The following LUZP2 variants were observed in gnomAD, a reference collection of about 807,000 sequenced individuals.
The protein encoded by LUZP2 is leucine zipper protein 2.
Under a neutral mutation model 51.6 loss-of-function variants are expected in LUZP2, and 52 were observed. That is an observed-to-expected ratio of 1.01 (90% CI 0.81 to 1.27). The LOEUF (loss-of-function observed/expected upper bound fraction) is 1.27. LUZP2 is among the 50% of genes most tolerant of loss of function. The probability of loss-of-function intolerance (pLI) is 0.00; values close to 1 mark genes in which losing one functional copy is unlikely to be tolerated. For synonymous variants in LUZP2, 154 were observed against 137.3 expected, an observed-to-expected ratio of 1.12 and a Z score of -0.85; for missense variants, 436 against 395.4, an observed-to-expected ratio of 1.10 and a Z score of -0.87.
At chr11:25,043,363 C>T (rs1858137143) in intron 9 of LUZP2, among the ~76,000 whole-genome samples, 1 of 151,998 alleles carries the variant, frequency 6.6e-6, no homozygotes, top group South Asian at 2.1e-4. Flanking sequence ...CCACACCTCC[C>T]TAGAGTAAGA....
intron 9 of LUZP2, among the ~76,000 whole-genome samples, chr11:25,011,735 A>T (rs1020012497): frequency 2.0e-5 from 3 of 152,076 alleles, no homozygotes; most frequent in Non-Finnish European, 4.4e-5. Context: ...CATATTTATG[A>T]GGCACATGTG....
intron 1 of LUZP2, among the ~76,000 whole-genome samples, chr11:24,580,391 C>T (rs1421653341): frequency 6.6e-6 from 1 of 152,036 alleles, no homozygotes; most frequent in Non-Finnish European, 1.5e-5. Flanking sequence ...TTTTCCTTCT[C>T]TGTTGCTGTC....
chr11:24,509,348 G>T (rs1172268179), intron 1 of LUZP2, among the ~76,000 whole-genome samples: 1 of 151,762 alleles, frequency 6.6e-6, no homozygotes, highest in African/African-American at 2.4e-5. Context: ...AGTCATAACT[G>T]TTCTAGAATT....
chr11:24,890,316 TGACA>T (rs1331249427), intron 5 of LUZP2, among the ~76,000 whole-genome samples: 1 of 151,830 alleles, frequency 6.6e-6, no homozygotes, highest in Non-Finnish European at 1.5e-5. Context: ...CTTAATTACA[TGACA>T]AACAGAAGAA....
At chr11:24,886,121 T>A (rs1852660669) in intron 5 of LUZP2, among the ~76,000 whole-genome samples, 1 of 152,206 alleles carries the variant, frequency 6.6e-6, no homozygotes, top group Non-Finnish European at 1.5e-5. Flanking sequence ...AAAATATGAC[T>A]ATTAAAGTAG....
At chr11:24,533,650 C>T (rs1851082093) in intron 1 of LUZP2, among the ~76,000 whole-genome samples, 2 of 150,964 alleles carry the variant, frequency 1.3e-5, no homozygotes, top group African/African-American at 4.8e-5. Context: ...TTATCTTTTC[C>T]CTCCTTTATT....
At chr11:24,603,784 C>T (rs1299800126) in intron 1 of LUZP2, among the ~76,000 whole-genome samples, 2 of 151,552 alleles carry the variant, frequency 1.3e-5, no homozygotes. Flanking sequence ...ATGTTCTTGT[C>T]CAGCTTACAT....
chr11:25,046,053 A>C (rs967224695), intron 9 of LUZP2, among the ~76,000 whole-genome samples: 8 of 152,166 alleles, frequency 5.3e-5, no homozygotes, highest in Admixed American at 5.2e-4. Context: ...CACACTGCTG[A>C]AATTAACATA....
At chr11:24,502,689 C>G (rs1850034654) in intron 1 of LUZP2, among the ~76,000 whole-genome samples, 1 of 152,010 alleles carries the variant, frequency 6.6e-6, no homozygotes, top group Non-Finnish European at 1.5e-5. Flanking sequence ...CCCAGCCCCT[C>G]CAAAGTGTTT....
chr11:24,826,197 A>ATATATATATG (rs1554916405), intron 5 of LUZP2, among the ~76,000 whole-genome samples: 3 of 138,742 alleles, frequency 2.2e-5, no homozygotes, highest in Admixed American at 2.2e-4. Flanking sequence ...AAAAATATAT[A>ATATATATATG]TATATATATA....
chr11:24,839,467 C>G (rs1039566183), intron 5 of LUZP2, among the ~76,000 whole-genome samples: 1 of 151,716 alleles, frequency 6.6e-6, no homozygotes, highest in Non-Finnish European at 1.5e-5. Flanking sequence ...TAAATATAAT[C>G]AAGTCAATTT....
intron 4 of LUZP2, among the ~76,000 whole-genome samples, chr11:24,739,398 T>C (rs577358459): frequency 5.7e-4 from 86 of 152,098 alleles, no homozygotes; most frequent in African/African-American, 1.6e-3. Context: ...TGTTTTTCGA[T>C]TGGTTGTTTG....
chr11:24,663,248 G>A (rs952361710), intron 1 of LUZP2, among the ~76,000 whole-genome samples: 6 of 151,962 alleles, frequency 3.9e-5, no homozygotes, highest in African/African-American at 1.2e-4. Flanking sequence ...TGATGTTCTT[G>A]TGATAGTGAG....
At chr11:24,744,498 A>T (rs1859302614) in intron 4 of LUZP2, among the ~76,000 whole-genome samples, 1 of 152,042 alleles carries the variant, frequency 6.6e-6, no homozygotes. Context: ...TATGTGCATA[A>T]AGGTGTTCAT....
intron 1 of LUZP2, among the ~76,000 whole-genome samples, chr11:24,569,966 A>C (rs1590192667): frequency 6.6e-6 from 1 of 152,148 alleles, no homozygotes; most frequent in African/African-American, 2.4e-5. Flanking sequence ...GTGTTTCAAA[A>C]TTTTTTCACA....
At chr11:24,529,097 C>T (rs986173810) in intron 1 of LUZP2, among the ~76,000 whole-genome samples, 3 of 150,872 alleles carry the variant, frequency 2.0e-5, no homozygotes, top group African/African-American at 7.3e-5. Flanking sequence ...AGTCATCCTC[C>T]ACATCATAGA....
chr11:24,505,326 G>A (rs968692969), intron 1 of LUZP2, among the ~76,000 whole-genome samples: 2 of 152,090 alleles, frequency 1.3e-5, no homozygotes, highest in African/African-American at 4.8e-5. Context: ...GGTGTTTGTC[G>A]TGTTGCATGG....
chr11:24,994,337 C>T (rs1049001487), intron 9 of LUZP2, among the ~76,000 whole-genome samples: 2 of 152,114 alleles, frequency 1.3e-5, no homozygotes, highest in African/African-American at 4.8e-5. Flanking sequence ...AGTGATCAAA[C>T]TTCATTTGTC....
chr11:24,532,315 G>C (rs1851031303), intron 1 of LUZP2, among the ~76,000 whole-genome samples: 1 of 150,672 alleles, frequency 6.6e-6, no homozygotes, highest in Non-Finnish European at 1.5e-5. Flanking sequence ...CTGTATTTAA[G>C]TTCTTTGAGA....
Sources: allele counts gnomAD v4.1 joint callset (sites outside exome capture counted in the v4.1 genomes callset), GRCh38; gene constraint gnomAD v4.1.1; transcripts MANE v1.5; gene names NCBI Gene and HGNC (gene_info 2026-07-23, HGNC 2026-07-21).